Variants in CYP4Z1 observed in about 807,000 individuals in gnomAD.
CYP4Z1 encodes the protein cytochrome P450 4Z1.
In CYP4Z1, 41 loss-of-function variants were observed where a neutral mutation model predicts 54.2. The observed-to-expected ratio is 0.76, with a 90% CI of 0.59 to 0.98. The LOEUF (loss-of-function observed/expected upper bound fraction) is 0.98. Among genes scored for constraint, CYP4Z1 ranks in the 50% least tolerant of loss-of-function variants. The pLI is 0.00. For synonymous variants in CYP4Z1, 163 were observed against 206.2 expected (o/e 0.79, Z 1.79); for missense variants, 513 against 599.0 (o/e 0.86, Z 1.50).
In CYP4Z1 at chr1:47,117,781, G is replaced by A. The variant is rs1644841163; in HGVS notation, c.1365G>A (p.Gln455=). Residue 455 remains glutamine (Q), a synonymous_variant, in exon 12 of 12, where the codon CAG becomes CAA. Transcript: ENST00000334194. ...GTATCCCCAGGAACTGCATTGGGCA[G>A]CATTTTGCCATAATTGAGTGTAAAG... The part of the protein sequence containing the change: ...FSAGLRNCIG[Q]HFAIIECKVA... 1.9e-6 allele frequency: 3 copies of A among 1,613,094 alleles called. No individual in the cohort carries two copies. Among genetic ancestry groups the A allele is most frequent in the Non-Finnish European group, 2.5e-6 (3 of 1,179,538 alleles).
chr1:47,095,052 T>C (rs1447237588), intron 7 of CYP4Z1, among the ~76,000 whole-genome samples: 10 of 150,566 alleles, frequency 6.6e-5, no homozygotes, highest in Non-Finnish European at 1.5e-4. Flanking sequence ...GAACTTCCCT[T>C]GTGAAGATTT....
At chr1:47,115,364 T>G (rs931069144) in intron 9 of CYP4Z1, 165 bp from the exon 10 acceptor site, 1 of 578,652 alleles carries the variant, frequency 1.7e-6, no homozygotes, top group Non-Finnish European at 3.1e-6. Context: ...AGTTAATGGG[T>G]GCAGCACACC....
At chr1:47,110,907 A>T (rs957107766) in intron 9 of CYP4Z1, among the ~76,000 whole-genome samples, 1 of 151,588 alleles carries the variant, frequency 6.6e-6, no homozygotes. Context: ...AATGTCCTTG[A>T]TTAGCTAGCA....
chr1:47,068,725 A>T lies in CYP4Z1; in HGVS notation c.281A>T (p.His94Leu). 6.2e-7 allele frequency: 1 copy of T among 1,614,186 alleles called. No homozygotes were observed. The highest frequency in any genetic ancestry group is 1.7e-5 in the Admixed American group (1 of 60,016). The stretch of plus-strand genomic sequence containing the variant: ...CCCTTTACGATGTTCTTCAGTGTCC[A>T]TGACCCAGACTATGCCAAGATTCTC... ...VGPFTMFFSV[H>L]DPDYAKILLK... Residue 94 changes from histidine to leucine, a missense_variant, in exon 2 of 12, where the codon CAT becomes CTT. Physicochemically the swap from His to Leu is moderately conservative, Grantham distance 99 (BLOSUM62 -3). Transcript: ENST00000334194.
chr1:47,089,557 T>C (rs1644623503), intron 6 of CYP4Z1, among the ~76,000 whole-genome samples: 1 of 152,200 alleles, frequency 6.6e-6, no homozygotes, highest in African/African-American at 2.4e-5. Context: ...AATATTGCAA[T>C]CCATTGGTGT....
chr1:47,085,719 G>A (rs1351685644), intron 6 of CYP4Z1, among the ~76,000 whole-genome samples: 3 of 149,426 alleles, frequency 2.0e-5, no homozygotes, highest in Non-Finnish European at 4.4e-5. Flanking sequence ...TATACTTTAA[G>A]TTCTAGGATA....
At chr1:47,056,199 G>GA in the CYP4Z1 span, among the ~76,000 whole-genome samples, 1 of 152,150 alleles carries the variant, frequency 6.6e-6, no homozygotes, top group Non-Finnish European at 1.5e-5. Flanking sequence ...TTCAGGAGCA[G>GA]ATTGTTCAGT....
chr1:47,077,221 T>A (rs1197515638), intron 2 of CYP4Z1, among the ~76,000 whole-genome samples: 1 of 152,172 alleles, frequency 6.6e-6, no homozygotes, highest in Non-Finnish European at 1.5e-5. Flanking sequence ...ATTTCTCCCT[T>A]CAATGCTGTC....
intron 8 of CYP4Z1, among the ~76,000 whole-genome samples, chr1:47,104,933 G>A (rs1436616282): frequency 4.6e-5 from 7 of 151,774 alleles, no homozygotes; most frequent in Admixed American, 1.3e-4. Context: ...TTTTTGAGGC[G>A]GAGTTTTGCT....
chr1:47,118,194 G>A lies in CYP4Z1; in HGVS notation c.*260G>A, dbSNP rs1315288927. On this transcript the variant is annotated 3_prime_UTR_variant, in exon 12 of 12. Transcript: ENST00000334194. The stretch of plus-strand genomic sequence containing the variant: ...TTATTGGTTTGTGTAACTAGTGGTA[G>A]AGTGGCTTTCAAGCATAGTTTGATC... 9 of 336,904 alleles carry A rather than the reference G, an allele frequency of 2.7e-5. No individual in the cohort carries two copies. Among genetic ancestry groups the A allele is most frequent in the Non-Finnish European group, 4.4e-5 (8 of 183,644 alleles). 20.9% of individuals were successfully genotyped at this position (336,904 alleles called of 1,614,324 possible). A position where few individuals can be genotyped will look rare whatever the true frequency, so the allele number is the denominator to read the frequency against.
intron 8 of CYP4Z1, among the ~76,000 whole-genome samples, chr1:47,105,767 A>G (rs1362104603): frequency 6.6e-6 from 1 of 152,162 alleles, no homozygotes; most frequent in Non-Finnish European, 1.5e-5. Flanking sequence ...TTTTTTTACA[A>G]TTCTAAAGAG....
the CYP4Z1 span, among the ~76,000 whole-genome samples, chr1:47,057,356 A>ATATATATG: frequency 1.9e-4 from 20 of 106,022 alleles, no homozygotes; most frequent in Non-Finnish European, 2.7e-4. Flanking sequence ...ATATATATAT[A>ATATATATG]TATATATATA....
intron 2 of CYP4Z1, among the ~76,000 whole-genome samples, chr1:47,079,045 A>G (rs1468232485): frequency 1.3e-5 from 2 of 152,064 alleles, no homozygotes; most frequent in Non-Finnish European, 2.9e-5. Context: ...GTTTTTGAGG[A>G]ACACTTCCCT....
At chr1:47,065,706 CA>C (rs1002369285), upstream of CYP4Z1, among the ~76,000 whole-genome samples, 3 of 150,804 alleles carry the variant, frequency 2.0e-5, no homozygotes, top group East Asian at 1.9e-4. Flanking sequence ...GAAATTGAAA[CA>C]AAAAAAATAC....
At chr1:47,117,143 C>T (rs560187652) in intron 11 of CYP4Z1, among the ~76,000 whole-genome samples, 1 of 152,204 alleles carries the variant, frequency 6.6e-6, no homozygotes, top group South Asian at 2.1e-4. Context: ...GAGAGACACC[C>T]GATTTACCAA....
chr1:47,064,080 CTTTTT>C (rs34267768), upstream of CYP4Z1, among the ~76,000 whole-genome samples: 2 of 119,550 alleles, frequency 1.7e-5, no homozygotes, highest in Admixed American at 9.0e-5. Context: ...GATTTGGGTC[CTTTTT>C]TTTTTTTTTT....
rs571972072 is a variant in CYP4Z1 at position 47,117,875 on chromosome 1, C to T, written c.1459C>T (p.Arg487Cys). ...PDHSRPPQPV[R>C]QVVLKSKNGI... ...CCACTCAAGGCCTCCCCAGCCTGTTCGTCAAGTTGTCCTCAAGTCCAAGAA... is the reference window on the plus strand; with the variant it reads ...CCACTCAAGGCCTCCCCAGCCTGTTTGTCAAGTTGTCCTCAAGTCCAAGAA... Residue 487 changes from arginine to cysteine, a missense_variant, in exon 12 of 12, where the codon CGT (arginine) becomes TGT (cysteine). Coordinates refer to ENST00000334194, the MANE Select transcript of CYP4Z1 (RefSeq NM_178134.3). The T allele has an allele frequency of 9.9e-6, 16 of 1,613,586 alleles. 1 individual carries two copies. The highest frequency in any genetic ancestry group is 1.7e-4 in the Middle Eastern group (1 of 6,052).
rs555157251 is a variant in CYP4Z1, at chr1:47,087,844, C to T, written c.772+2866C>T. Among the ~76,000 whole-genome samples, 355 of 152,208 alleles carry T rather than the reference C, an allele frequency of 2.3e-3. 4 individuals carry two copies. The highest frequency in any genetic ancestry group is 8.2e-3 in the African/African-American group (342 of 41,506). On this transcript the variant is annotated intron_variant, in intron 6 of 11. Coordinates refer to ENST00000334194, the MANE Select transcript of CYP4Z1 (RefSeq NM_178134.3). The stretch of plus-strand genomic sequence containing the variant: ...TTAGCTGTGGGTTTGTCATAAATAG[C>T]TCTTATTATTTTGAGATACATCCCA...
intron 9 of CYP4Z1, among the ~76,000 whole-genome samples, chr1:47,110,000 G>A (rs1387158729): frequency 2.0e-5 from 3 of 151,870 alleles, no homozygotes; most frequent in South Asian, 2.1e-4. Context: ...TTTTTCTGAC[G>A]TATTCTTGGT....
Sources: allele counts gnomAD v4.1 joint callset (sites outside exome capture counted in the v4.1 genomes callset), GRCh38; gene constraint gnomAD v4.1.1; transcripts MANE v1.5; gene names NCBI Gene and HGNC (gene_info 2026-07-23, HGNC 2026-07-21).